KCNQ1OT1: variants seen among roughly 807,000 people sequenced by gnomAD.
KCNQ1OT1 encodes KCNQ1 opposite strand/antisense transcript 1.
chr11:2,696,767 G>A (rs923815779), exon 1 of KCNQ1OT1: 9 of 398,496 alleles, frequency 2.3e-5, no homozygotes, highest in Admixed American at 8.8e-5. Context: ...CATAAAAGTC[G>A]TCGTCTTTGT....
Position 2,626,421 on chromosome 11 carries a change from G to A in KCNQ1OT1, n.73574C>T, listed in dbSNP as rs1336617388. 5.0e-6 allele frequency: 2 copies of A among 398,444 alleles called. No individual in the cohort carries two copies. The highest frequency in any genetic ancestry group is 8.8e-6 in the Non-Finnish European group (2 of 226,074). The allele number at this position is 398,444 out of a possible 1,614,324, so 24.7% of individuals were successfully genotyped here. A position where few individuals can be genotyped will look rare whatever the true frequency, so the allele number is the denominator to read the frequency against. ...TTGGCACTCTTCTCAGGAATCATTT[G>A]ATCATGTATACAAGGGTTTATTTTT... On this transcript the variant is annotated non_coding_transcript_exon_variant, in exon 1 of 1. Transcript: ENST00000597346. The surrounding 1 kb of genome is among the most constrained non-coding windows in gnomAD (Gnocchi z 4.0).
chr11:2,614,339 CT>C, exon 1 of KCNQ1OT1: 1 of 398,520 alleles, frequency 2.5e-6, no homozygotes, highest in Non-Finnish European at 4.4e-6. Flanking sequence ...GCTTTTTAGT[CT>C]TCTGTGCACC....
chr11:2,628,158 G>C (rs1849290617), exon 1 of KCNQ1OT1: 1 of 398,484 alleles, frequency 2.5e-6, no homozygotes, highest in Non-Finnish European at 4.4e-6. Flanking sequence ...ACCCGGAACT[G>C]AGACTGCTGG....
chr11:2,630,940 A>G (rs1589992188), exon 1 of KCNQ1OT1: 5 of 398,426 alleles, frequency 1.3e-5, no homozygotes, highest in Non-Finnish European at 2.2e-5. Flanking sequence ...TTGCTCAGAA[A>G]TCCACTGATA....
exon 1 of KCNQ1OT1, chr11:2,625,155 CTG>C (rs1315986050): frequency 3.0e-5 from 12 of 398,536 alleles, no homozygotes; most frequent in African/African-American, 2.3e-4. Flanking sequence ...GAACACCAAA[CTG>C]TTTAACACAG....
rs961667826 is a variant in KCNQ1OT1 at position 2,617,235 on chromosome 11, C to T, written n.82760G>A. On this transcript the variant is annotated non_coding_transcript_exon_variant, in exon 1 of 1. Transcript: ENST00000597346. The surrounding 1 kb of genome is among the most constrained non-coding windows in gnomAD (Gnocchi z 4.6). ...CCTACATCTTTCCATTTTCTTCCCC[C>T]ACACCTTGCCCATGGTAACCACTAG... 5 of 398,252 alleles carry T rather than the reference C, an allele frequency of 1.3e-5. No homozygotes were observed. Among genetic ancestry groups the T allele is most frequent in the African/African-American group, 6.2e-5 (3 of 48,592 alleles). The allele number at this position is 398,252 out of a possible 1,614,324, so 24.7% of individuals were successfully genotyped here.
rs1177220595 is a variant in KCNQ1OT1 at position 2,673,122 on chromosome 11, A to T, written n.26873T>A. The stretch of plus-strand genomic sequence containing the variant: ...TCAGCAGGAGACCCCAGCAGGCAGC[A>T]TCAGGGCAGGGGTGCTGACCATCCC... On this transcript the variant is annotated non_coding_transcript_exon_variant, in exon 1 of 1. Coordinates refer to ENST00000597346, the Ensembl canonical transcript of KCNQ1OT1. The surrounding 1 kb of genome is among the most constrained non-coding windows in gnomAD (Gnocchi z 4.5). 2.5e-6 allele frequency: 1 copy of T among 398,852 alleles called. No homozygotes were observed. Among genetic ancestry groups the T allele is most frequent in the Non-Finnish European group, 4.4e-6 (1 of 226,308 alleles). 24.7% of individuals were successfully genotyped at this position (398,852 alleles called of 1,614,324 possible).
exon 1 of KCNQ1OT1, chr11:2,656,393 A>G (rs1849848593): frequency 2.5e-6 from 1 of 398,550 alleles, no homozygotes; most frequent in African/African-American, 2.1e-5. Context: ...TAAGGATGTC[A>G]TGGGCACAGA....
chr11:2,627,993 C>T lies in KCNQ1OT1; in HGVS notation n.72002G>A, dbSNP rs1039330107. 1 of 398,474 alleles carries T rather than the reference C, an allele frequency of 2.5e-6. No individual in the cohort carries two copies. Among genetic ancestry groups the T allele is most frequent in the Admixed American group, 4.4e-5 (1 of 22,700 alleles). The allele number at this position is 398,474 out of a possible 1,614,324, so 24.7% of individuals were successfully genotyped here. ...TCTCAAACTCCTGTGTTCAAGCTAT[C>T]CTTCACCTTGGCCACCCCCAAGTAC... On this transcript the variant is annotated non_coding_transcript_exon_variant, in exon 1 of 1. Transcript: ENST00000597346. The surrounding 1 kb of genome is among the most constrained non-coding windows in gnomAD (Gnocchi z 4.9).
In KCNQ1OT1 at chr11:2,682,607, G is replaced by A. The variant is rs1850417996; in HGVS notation, n.17388C>T. The stretch of plus-strand genomic sequence containing the variant: ...CCAAGGCTGGTCTGGAGAGTGTAAG[G>A]CTTGAGAGCTCTTCTTCAGGCTCAG... On this transcript the variant is annotated non_coding_transcript_exon_variant, in exon 1 of 1. Transcript: ENST00000597346. The surrounding 1 kb of genome is among the most constrained non-coding windows in gnomAD (Gnocchi z 5.8). 5.0e-6 allele frequency: 2 copies of A among 398,430 alleles called. No individual in the cohort carries two copies. The highest frequency in any genetic ancestry group is 1.3e-4 in the South Asian group (1 of 7,856). 24.7% of individuals were successfully genotyped at this position (398,430 alleles called of 1,614,324 possible).
rs1849598350 is a variant in KCNQ1OT1 at position 2,642,681 on chromosome 11, A to G, written n.57314T>C. 2.5e-6 allele frequency: 1 copy of G among 396,830 alleles called. No individual in the cohort carries two copies. Among genetic ancestry groups the G allele is most frequent in the Non-Finnish European group, 4.4e-6 (1 of 225,384 alleles). 24.6% of individuals were successfully genotyped at this position (396,830 alleles called of 1,614,324 possible). On this transcript the variant is annotated non_coding_transcript_exon_variant, in exon 1 of 1. Transcript: ENST00000597346. This position sits in a 1 kb window ranked among gnomAD's most constrained non-coding sequence, Gnocchi z 4.3. ...GTTTAGTTCTGCTCTGATCTTCGTT[A>G]TTTCTTTCCTTCTACTAATTTTATG...
At chr11:2,689,000 G>A (rs943110256) in exon 1 of KCNQ1OT1, 1 of 398,614 alleles carries the variant, frequency 2.5e-6, no homozygotes, top group African/African-American at 2.1e-5. Context: ...GGAGCCTGCA[G>A]GTCCCTGGGT....
In KCNQ1OT1 at chr11:2,648,232, T is replaced by C. The variant is rs892282198; in HGVS notation, n.51763A>G. ...GGGGTGGGGGGGAGGCCTCATTTCA[T>C]TGATCTTTTGTCTTTTTTACCTTTT... is the stretch of plus-strand genomic sequence containing the variant. On this transcript the variant is annotated non_coding_transcript_exon_variant, in exon 1 of 1. Coordinates refer to ENST00000597346, the Ensembl canonical transcript of KCNQ1OT1. 24 of 398,578 alleles carry C rather than the reference T, an allele frequency of 6.0e-5. No individual in the cohort carries two copies. In the Admixed American group the frequency reaches 1.0e-3, roughly 17 times the overall value. 24.7% of individuals were successfully genotyped at this position (398,578 alleles called of 1,614,324 possible).
At position 2,612,022 on chromosome 11, in the gene KCNQ1OT1, C is replaced by T. The variant is rs1490750427; in HGVS notation, n.87973G>A. 4 of 398,536 alleles carry T rather than the reference C, an allele frequency of 1.0e-5. No homozygotes were observed. Among genetic ancestry groups the T allele is most frequent in the Admixed American group, 8.8e-5 (2 of 22,728 alleles). 24.7% of individuals were successfully genotyped at this position (398,536 alleles called of 1,614,324 possible). ...CATATGTTGTTACTCCTTAATTCCA[C>T]ATATGTTTTCTACTCTTAATTACAT... is the stretch of plus-strand genomic sequence containing the variant. On this transcript the variant is annotated non_coding_transcript_exon_variant, in exon 1 of 1. Coordinates refer to ENST00000597346, the Ensembl canonical transcript of KCNQ1OT1. The surrounding 1 kb of genome is among the most constrained non-coding windows in gnomAD (Gnocchi z 5.5).
chr11:2,630,935 C>A, exon 1 of KCNQ1OT1: 1 of 398,458 alleles, frequency 2.5e-6, no homozygotes, highest in South Asian at 1.3e-4. Context: ...AGTTTTTGCT[C>A]AGAAATCCAC....
Position 2,663,355 on chromosome 11 carries a change from G to A in KCNQ1OT1, n.36640C>T, listed in dbSNP as rs921686944. 27 of 398,682 alleles carry A rather than the reference G, an allele frequency of 6.8e-5. No individual in the cohort carries two copies. The highest frequency in any genetic ancestry group is 3.6e-4 in the East Asian group (10 of 28,088). The allele number at this position is 398,682 out of a possible 1,614,324, so 24.7% of individuals were successfully genotyped here. On this transcript the variant is annotated non_coding_transcript_exon_variant, in exon 1 of 1. Coordinates refer to ENST00000597346, the Ensembl canonical transcript of KCNQ1OT1. This position sits in a 1 kb window ranked among gnomAD's most constrained non-coding sequence, Gnocchi z 5.2. ...GGTGTGAGCAGGCTGGTAGCCAGAT[G>A]GGCTGCCCAGGTACAGGTCAGCACC...
chr11:2,614,109 C>T, exon 1 of KCNQ1OT1: 1 of 398,508 alleles, frequency 2.5e-6, no homozygotes, highest in Non-Finnish European at 4.4e-6. Flanking sequence ...GCTATGCTCA[C>T]CATTCTTTGG....
chr11:2,655,223 G>T (rs187563226), exon 1 of KCNQ1OT1: 138 of 398,654 alleles, frequency 3.5e-4, no homozygotes, highest in African/African-American at 2.5e-3. Flanking sequence ...TAGTCGCCAC[G>T]CCCGAGGCTG....
At chr11:2,637,532 C>A (rs1473159642) in exon 1 of KCNQ1OT1, 1 of 152,174 alleles carries the variant, frequency 6.6e-6, no homozygotes, top group Non-Finnish European at 1.5e-5. Context: ...AGTTTGATTG[C>A]ACTGTGGTCT....
Sources: gnomAD v4.1 joint callset for allele counts on GRCh38, gnomAD v4.1.1 for gene constraint, Gnocchi (gnomAD v3.1) non-coding constraint, MANE v1.5 for transcripts, NCBI Gene and HGNC (gene_info 2026-07-23, HGNC 2026-07-21) for gene names.